Variants in ST8SIA1 observed in about 807,000 individuals in gnomAD.
The protein encoded by ST8SIA1 is ST8 alpha-N-acetyl-neuraminide alpha-2,8-sialyltransferase 1.
A neutral mutation model predicts 35.9 loss-of-function variants in ST8SIA1; 16 were observed. The observed-to-expected ratio is 0.45, with a 90% CI of 0.30 to 0.68. The LOEUF (loss-of-function observed/expected upper bound fraction) is 0.68. ST8SIA1 is among the 30% of genes least tolerant of loss of function. The probability of loss-of-function intolerance (pLI) is 0.09; values close to 1 mark genes in which losing one functional copy is unlikely to be tolerated. For synonymous variants in ST8SIA1, 170 were observed against 169.6 expected, an observed-to-expected ratio of 1.00 and a Z score of -0.02; for missense variants, 383 against 453.6, an observed-to-expected ratio of 0.84 and a Z score of 1.41.
At position 22,277,366 on chromosome 12, in the gene ST8SIA1, C is replaced by CTTT. The variant is rs34650104; in HGVS notation, c.381+9780_381+9782dup. On this transcript the variant is annotated intron_variant, in intron 2 of 4. Transcript: ENST00000396037. ...AGAAAGGCAAATTCATAATAGTGAA[C>CTTT]TTTTTTTTTTTTTTTTTTTTGAGAT... Among the ~76,000 whole-genome samples, 41 of 124,816 alleles carry CTTT rather than the reference C, an allele frequency of 3.3e-4. No homozygotes were observed. The East Asian group carries it at 3.5e-3, about 11-fold the overall frequency. 81.9% of individuals were successfully genotyped at this position (124,816 alleles called of 152,430 possible).
At chr12:22,322,767 G>A (rs7298767) in intron 1 of ST8SIA1, among the ~76,000 whole-genome samples, 1,998 of 152,270 alleles carry the variant, frequency 0.013, 36 homozygotes, top group Non-Finnish European at 0.017. Context: ...TATCATCATG[G>A]AATTTTTGTG....
chr12:22,255,268 G>A lies in ST8SIA1; in HGVS notation c.491+12C>T. 6.2e-7 allele frequency: 1 copy of A among 1,608,158 alleles called. No individual in the cohort carries two copies. The highest frequency in any genetic ancestry group is 8.5e-7 in the Non-Finnish European group (1 of 1,174,588). On this transcript the variant is annotated intron_variant, in intron 3 of 4. Transcript: ENST00000396037. ...AGAAGGCAGAGGCCGCGCTGTGGGT[G>A]CTCTCTCTTACCGCATGACAAAATT...
At chr12:22,282,662 T>C (rs551487120) in intron 2 of ST8SIA1, among the ~76,000 whole-genome samples, 1 of 152,276 alleles carries the variant, frequency 6.6e-6, no homozygotes, top group South Asian at 2.1e-4. Flanking sequence ...CCTCTAATTC[T>C]TTATTGCTTG....
intron 1 of ST8SIA1, among the ~76,000 whole-genome samples, chr12:22,303,909 G>A (rs1322625196): frequency 6.6e-6 from 1 of 151,424 alleles, no homozygotes; most frequent in African/African-American, 2.4e-5. Context: ...GGTACAGGGA[G>A]AAAAACGAAC....
At chr12:22,301,289 G>A (rs527369104) in intron 1 of ST8SIA1, among the ~76,000 whole-genome samples, 1 of 54,872 alleles carries the variant, frequency 1.8e-5, no homozygotes, top group South Asian at 4.4e-4. Context: ...AGGACCCATG[G>A]AGAGCTGAAA....
chr12:22,223,636 C>T (rs972645073), intron 4 of ST8SIA1: 15 of 1,141,480 alleles, frequency 1.3e-5, no homozygotes, highest in African/African-American at 1.7e-5. Flanking sequence ...GGCTTCTCAA[C>T]GTGGCAGGGA....
At chr12:22,253,333 C>G (rs1215382644) in intron 3 of ST8SIA1, among the ~76,000 whole-genome samples, 1 of 152,188 alleles carries the variant, frequency 6.6e-6, no homozygotes, top group African/African-American at 2.4e-5. Context: ...GCTCTTCTCA[C>G]CTATTCATGC....
At chr12:22,314,984 T>C (rs1397221729) in intron 1 of ST8SIA1, among the ~76,000 whole-genome samples, 1 of 152,112 alleles carries the variant, frequency 6.6e-6, no homozygotes, top group Non-Finnish European at 1.5e-5. Context: ...TTCTCAGATT[T>C]TTCTCAGGCT....
intron 4 of ST8SIA1, among the ~76,000 whole-genome samples, chr12:22,205,092 A>G (rs547042378): frequency 3.3e-5 from 5 of 152,112 alleles, no homozygotes; most frequent in African/African-American, 7.2e-5. Flanking sequence ...TCAAAACTCA[A>G]CTTAAGCTTT....
At chr12:22,322,862 GA>G (rs1455913054) in intron 1 of ST8SIA1, among the ~76,000 whole-genome samples, 2 of 152,152 alleles carry the variant, frequency 1.3e-5, no homozygotes, top group Non-Finnish European at 2.9e-5. Context: ...TAGTAAATAG[GA>G]AAATGACTCT....
intron 2 of ST8SIA1, among the ~76,000 whole-genome samples, chr12:22,262,325 T>C (rs1220530651): frequency 6.6e-6 from 1 of 152,130 alleles, no homozygotes; most frequent in Non-Finnish European, 1.5e-5. Flanking sequence ...TATAATTAAG[T>C]TAACAAAGCA....
At chr12:22,204,125 C>T (rs1865079860) in intron 4 of ST8SIA1, among the ~76,000 whole-genome samples, 1 of 151,978 alleles carries the variant, frequency 6.6e-6, no homozygotes, top group African/African-American at 2.4e-5. Flanking sequence ...TATCTTGAGA[C>T]AAGCTGTTTC....
intron 1 of ST8SIA1, chr12:22,333,755 GCGTCGAGT>G: frequency 1.4e-6 from 1 of 706,354 alleles, no homozygotes; most frequent in Non-Finnish European, 2.6e-6. Context: ...GGGAAGAAAT[GCGTCGAGT>G]CTTTACATGC....
rs1193304509 is a variant in ST8SIA1, at chr12:22,201,538, T to G, written c.*14A>C. The G allele has an allele frequency of 6.3e-7, 1 of 1,584,448 alleles. No homozygotes were observed. Among genetic ancestry groups the G allele is most frequent in the African/African-American group, 1.4e-5 (1 of 73,934 alleles). On this transcript the variant is annotated 3_prime_UTR_variant, in exon 5 of 5. Transcript: ENST00000396037. ...AAAAATACCCTGGTTCAGTCCTTTCTTCTTCCATTGTTCCTAGGAAGTGGG... is the reference window on the plus strand; with the variant it reads ...AAAAATACCCTGGTTCAGTCCTTTCGTCTTCCATTGTTCCTAGGAAGTGGG...
At chr12:22,213,628 T>G (rs1254572491) in intron 4 of ST8SIA1, among the ~76,000 whole-genome samples, 1 of 152,174 alleles carries the variant, frequency 6.6e-6, no homozygotes, top group Non-Finnish European at 1.5e-5. Context: ...CCTGGGGAAA[T>G]GCAAACAATT....
rs1039768688 is a variant in ST8SIA1, at chr12:22,232,205, A to G, written c.584+16801T>C. ...AAAGTGGTTTTGCAGCTGAGAGGCAATAAGTTACTAAACAGCACAGTGGTG... is the reference window on the plus strand; with the variant it reads ...AAAGTGGTTTTGCAGCTGAGAGGCAGTAAGTTACTAAACAGCACAGTGGTG... On this transcript the variant is annotated intron_variant, in intron 4 of 4. Coordinates refer to ENST00000396037, the MANE Select transcript of ST8SIA1 (RefSeq NM_003034.4). Among the ~76,000 whole-genome samples the G allele has an allele frequency of 3.9e-5, 6 of 152,224 alleles. No homozygotes were observed. The East Asian group carries it at 9.6e-4, about 24-fold the overall frequency.
intron 4 of ST8SIA1, among the ~76,000 whole-genome samples, chr12:22,237,385 T>G (rs1477017307): frequency 6.6e-6 from 1 of 152,156 alleles, no homozygotes; most frequent in Non-Finnish European, 1.5e-5. Flanking sequence ...ATTGCAGGTG[T>G]GAGCCACTGT....
intron 4 of ST8SIA1, among the ~76,000 whole-genome samples, chr12:22,241,357 T>C (rs895660888): frequency 2.0e-5 from 3 of 152,122 alleles, no homozygotes; most frequent in Admixed American, 6.6e-5. Flanking sequence ...TTCCTTGCAA[T>C]AGTAAGTGAC....
At chr12:22,213,853 T>C (rs1006824752) in intron 4 of ST8SIA1, among the ~76,000 whole-genome samples, 1 of 152,182 alleles carries the variant, frequency 6.6e-6, no homozygotes, top group African/African-American at 2.4e-5. Context: ...AGGGCTGATC[T>C]TTAGCTGGGA....
Sources: allele counts gnomAD v4.1 joint callset (sites outside exome capture counted in the v4.1 genomes callset), GRCh38; gene constraint gnomAD v4.1.1; transcripts MANE v1.5; gene names NCBI Gene and HGNC (gene_info 2026-07-23, HGNC 2026-07-21).